The following KSR1 variants were observed in gnomAD, a reference collection of about 807,000 sequenced individuals.
KSR1 encodes the protein kinase suppressor of ras.
A neutral mutation model predicts 92.9 loss-of-function variants in KSR1; 35 were observed. The observed-to-expected ratio is 0.38, with a 90% CI of 0.29 to 0.50. The LOEUF is 0.50. Among genes scored for constraint, KSR1 ranks in the 20% least tolerant of loss-of-function variants. The pLI is 0.94. For synonymous variants in KSR1, 467 were observed against 472.6 expected, an observed-to-expected ratio of 0.99 and a Z score of 0.15; for missense variants, 972 against 1,158.5, an observed-to-expected ratio of 0.84 and a Z score of 2.34.
At chr17:27,552,081 T>C (rs1290146822) in intron 2 of KSR1, among the ~76,000 whole-genome samples, 1 of 152,224 alleles carries the variant, frequency 6.6e-6, no homozygotes, top group African/African-American at 2.4e-5. Context: ...CTTGAATATT[T>C]TTCTGGTGTT....
At chr17:27,476,026 T>A (rs1335185202) in intron 1 of KSR1, among the ~76,000 whole-genome samples, 1 of 152,204 alleles carries the variant, frequency 6.6e-6, no homozygotes, top group Non-Finnish European at 1.5e-5. Flanking sequence ...TTTGCAAAAA[T>A]TCCTTTATTA....
chr17:27,513,426 A>AT (rs1177680855), intron 1 of KSR1, among the ~76,000 whole-genome samples: 2 of 151,762 alleles, frequency 1.3e-5, no homozygotes, highest in Non-Finnish European at 2.9e-5. Flanking sequence ...CTCCTTCTCT[A>AT]TAAAAAAAAA....
chr17:27,536,822 CA>C (rs1388128197), intron 1 of KSR1, among the ~76,000 whole-genome samples: 1 of 152,268 alleles, frequency 6.6e-6, no homozygotes, highest in African/African-American at 2.4e-5. Flanking sequence ...GTCTCTTCAT[CA>C]CAGTAGTCAG....
chr17:27,526,046 C>CTTTTCTTTTCTT (rs1555576231), intron 1 of KSR1, among the ~76,000 whole-genome samples: 6,945 of 58,896 alleles, frequency 0.12, 370 homozygotes, highest in Non-Finnish European at 0.14. Flanking sequence ...TCTTTTCTTT[C>CTTTTCTTTTCTT]TCTCTCTCTC....
chr17:27,544,398 G>C (rs947490134), intron 1 of KSR1, among the ~76,000 whole-genome samples: 2 of 152,208 alleles, frequency 1.3e-5, no homozygotes, highest in Admixed American at 6.5e-5. Context: ...GAGCCAAGGG[G>C]GATTTCCCCA....
chr17:27,616,742 T>C (rs2074067212), intron 18 of KSR1, among the ~76,000 whole-genome samples: 1 of 152,154 alleles, frequency 6.6e-6, no homozygotes, highest in South Asian at 2.1e-4. Context: ...CTGGTACACA[T>C]GTGGATCCTG....
At chr17:27,604,509 G>A (rs1030528415) in intron 12 of KSR1, among the ~76,000 whole-genome samples, 171 bp from the exon 13 acceptor site, 7 of 152,224 alleles carry the variant, frequency 4.6e-5, no homozygotes, top group African/African-American at 1.7e-4. Flanking sequence ...CAAGGGGCAG[G>A]TCTGGCCCTC....
intron 1 of KSR1, among the ~76,000 whole-genome samples, chr17:27,530,824 C>T (rs750504893): frequency 1.3e-5 from 2 of 152,142 alleles, no homozygotes; most frequent in Non-Finnish European, 2.9e-5. Flanking sequence ...ACTTTGTGTG[C>T]GAGGTTTTGC....
At chr17:27,470,951 A>G (rs1323590229) in intron 1 of KSR1, among the ~76,000 whole-genome samples, 1 of 151,534 alleles carries the variant, frequency 6.6e-6, no homozygotes, top group Non-Finnish European at 1.5e-5. Context: ...GGTCACTGCA[A>G]CCTCTGCCTC....
intron 9 of KSR1, among the ~76,000 whole-genome samples, chr17:27,594,763 T>C (rs540882907): frequency 1.4e-5 from 2 of 145,218 alleles, no homozygotes; most frequent in South Asian, 2.5e-4. Flanking sequence ...CCACCCCACA[T>C]TCCCCTTCAG....
chr17:27,600,786 A>G (rs2073528169), intron 10 of KSR1, among the ~76,000 whole-genome samples: 1 of 152,064 alleles, frequency 6.6e-6, no homozygotes, highest in Admixed American at 6.5e-5. Flanking sequence ...TTACACCCCC[A>G]TTTGACAGTG....
At chr17:27,490,442 A>G (rs569004732) in intron 1 of KSR1, among the ~76,000 whole-genome samples, 21 of 152,336 alleles carry the variant, frequency 1.4e-4, no homozygotes, top group African/African-American at 4.8e-4. Context: ...GTGGTTTTCA[A>G]AAACCTTCGC....
At chr17:27,530,864 AT>A (rs968050190) in intron 1 of KSR1, among the ~76,000 whole-genome samples, 2 of 152,064 alleles carry the variant, frequency 1.3e-5, no homozygotes, top group African/African-American at 4.8e-5. Flanking sequence ...CATCATGTAG[AT>A]TTTTTTGTCC....
chr17:27,499,407 G>A (rs1219762189), intron 1 of KSR1, among the ~76,000 whole-genome samples: 1 of 152,190 alleles, frequency 6.6e-6, no homozygotes, highest in Non-Finnish European at 1.5e-5. Flanking sequence ...TCAAGGCACC[G>A]GACAACCAGA....
intron 9 of KSR1, 96 bp from the exon 10 acceptor site, chr17:27,597,172 C>A: frequency 7.4e-7 from 1 of 1,347,518 alleles, no homozygotes; most frequent in Non-Finnish European, 1.0e-6. Flanking sequence ...CCTGGGCTGA[C>A]TGCTTCCTTT....
At chr17:27,604,602 C>A in intron 12 of KSR1, 78 bp from the exon 13 acceptor site, 2 of 1,409,528 alleles carry the variant, frequency 1.4e-6, no homozygotes, top group Non-Finnish European at 2.0e-6. Flanking sequence ...TGTCTCAGAT[C>A]TCTCCCGGGA....
At chr17:27,572,692 T>C (rs1049823472) in intron 2 of KSR1, among the ~76,000 whole-genome samples, 1 of 152,232 alleles carries the variant, frequency 6.6e-6, no homozygotes, top group Non-Finnish European at 1.5e-5. Flanking sequence ...AATTTGTTTT[T>C]GGTTTAGAGA....
intron 2 of KSR1, among the ~76,000 whole-genome samples, chr17:27,560,689 C>T (rs1000933291): frequency 6.6e-6 from 1 of 152,184 alleles, no homozygotes; most frequent in Non-Finnish European, 1.5e-5. Flanking sequence ...ACCAGGAAAG[C>T]GAACCCGCAT....
chr17:27,595,586 G>C (rs2073312156), intron 9 of KSR1, among the ~76,000 whole-genome samples: 1 of 152,086 alleles, frequency 6.6e-6, no homozygotes, highest in African/African-American at 2.4e-5. Flanking sequence ...TGGCCACAGG[G>C]AGAAGCTGGA....
Sources: gnomAD v4.1 joint callset for allele counts (sites outside exome capture counted in the v4.1 genomes callset) on GRCh38, gnomAD v4.1.1 for gene constraint, MANE v1.5 for transcripts, NCBI Gene and HGNC (gene_info 2026-07-23, HGNC 2026-07-21) for gene names.